PPTC7: variants seen among roughly 807,000 people sequenced by gnomAD.
PPTC7 encodes protein phosphatase targeting COQ7.
PPTC7 carries 6 observed loss-of-function variants against 30.8 expected under a neutral mutation model. The observed-to-expected ratio is 0.19, with a 90% CI of 0.11 to 0.38. The LOEUF (loss-of-function observed/expected upper bound fraction) is 0.38, where lower values mean the gene tolerates loss of function less well. Among genes scored for constraint, PPTC7 ranks in the 10% least tolerant of loss-of-function variants. PPTC7 has a pLI of 1.00. For missense variants in PPTC7, 218 were observed against 404.8 expected (o/e 0.54, Z 3.96); for synonymous variants, 163 against 168.1 (o/e 0.97, Z 0.23).
Position 110,536,778 on chromosome 12 carries a change from T to A in PPTC7, c.*259A>T. ...GTGGCACTGAACACCTCCATCCCCA[T>A]CATGGAAAGAACATCGAGAAATGAA... On this transcript the variant is annotated 3_prime_UTR_variant, in exon 6 of 6. Transcript: ENST00000354300. 2.2e-6 allele frequency: 1 copy of A among 459,260 alleles called. No individual in the cohort carries two copies. The highest frequency in any genetic ancestry group is 4.0e-5 in the Admixed American group (1 of 25,254). The allele number at this position is 459,260 out of a possible 1,614,324, so 28.4% of individuals were successfully genotyped here.
chr12:110,571,025 C>A (rs1171753868), intron 1 of PPTC7, among the ~76,000 whole-genome samples: 2 of 152,288 alleles, frequency 1.3e-5, no homozygotes, highest in East Asian at 3.8e-4. Context: ...CAACGTGGGG[C>A]TTTTCTCTAG....
intron 1 of PPTC7, among the ~76,000 whole-genome samples, chr12:110,562,942 C>G (rs143604893): frequency 0.011 from 1,614 of 148,790 alleles, 36 homozygotes; most frequent in Middle Eastern, 0.042. Context: ...GCCAACATGG[C>G]AAAACCCTGT....
intron 1 of PPTC7, among the ~76,000 whole-genome samples, chr12:110,563,578 G>A (rs2064456359): frequency 6.6e-6 from 1 of 151,682 alleles, no homozygotes. Context: ...CTGCGCCACT[G>A]CACGCCAGCC....
rs1187860489 is a variant in PPTC7 at position 110,551,854 on chromosome 12, C to G, written c.338G>C (p.Ser113Thr). The G allele has an allele frequency of 1.9e-6, 3 of 1,614,192 alleles. No homozygotes were observed. Among genetic ancestry groups the G allele is most frequent in the Non-Finnish European group, 2.5e-6 (3 of 1,180,006 alleles). The part of the protein sequence containing the change: ...RLVKEGRFVP[S>T]NPIGILTTSY... ...TGTGGTGAGAATTCCAATGGGATTA[C>G]TAGGTACGAACCGTCCTTCTTTTAC... The change falls in exon 2 of 6, where the codon AGT (serine) becomes ACT (threonine). Residue 113 changes from serine (S) to threonine (T), a missense_variant. Transcript: ENST00000354300.
At chr12:110,563,550 G>A (rs1316993740) in intron 1 of PPTC7, among the ~76,000 whole-genome samples, 1 of 152,168 alleles carries the variant, frequency 6.6e-6, no homozygotes, top group Non-Finnish European at 1.5e-5. Context: ...GGGAGGCAGA[G>A]GTTGTGGTGA....
intron 1 of PPTC7, among the ~76,000 whole-genome samples, chr12:110,561,677 C>T (rs1339569122): frequency 6.7e-6 from 1 of 149,848 alleles, no homozygotes; most frequent in Non-Finnish European, 1.5e-5. Flanking sequence ...ACGCTCCCGA[C>T]GGGGTGCAGT....
Position 110,538,169 on chromosome 12 carries a change from T to G in PPTC7, c.831A>C (p.Ala277=), listed in dbSNP as rs762000739. ...CTCTCACATTCAATCCATTGTCACA[T>G]GCAAACTGTGCAAAAGGTGACATAT... ...PNYMSPFAQF[A]CDNGLNVRGG... Residue 277 remains alanine (A), a synonymous_variant, in exon 5 of 6, where the codon GCA becomes GCC. Coordinates refer to ENST00000354300, the MANE Select transcript of PPTC7 (RefSeq NM_139283.2). 6.2e-7 allele frequency: 1 copy of G among 1,614,198 alleles called. No individual in the cohort carries two copies. The highest frequency in any genetic ancestry group is 1.1e-5 in the South Asian group (1 of 91,084).
chr12:110,577,294 A>C (rs542580405), intron 1 of PPTC7, among the ~76,000 whole-genome samples: 3 of 151,828 alleles, frequency 2.0e-5, no homozygotes, highest in Non-Finnish European at 4.4e-5. Context: ...TAAAAAAAGT[A>C]AAATTAAAAA....
At chr12:110,552,191 T>A (rs2064354089) in intron 1 of PPTC7, among the ~76,000 whole-genome samples, 1 of 152,218 alleles carries the variant, frequency 6.6e-6, no homozygotes, top group African/African-American at 2.4e-5. Flanking sequence ...TGAATAAACT[T>A]TTGAGCTACC....
chr12:110,549,570 G>C (rs1302846707), intron 2 of PPTC7, among the ~76,000 whole-genome samples: 1 of 152,116 alleles, frequency 6.6e-6, no homozygotes, highest in African/African-American at 2.4e-5. Flanking sequence ...TTATTTCAAT[G>C]TGCCTTTTAG....
intron 3 of PPTC7, 44 bp downstream of exon 3, chr12:110,545,836 G>A (rs776125158): frequency 6.3e-7 from 1 of 1,582,246 alleles, no homozygotes; most frequent in South Asian, 1.1e-5. Context: ...GACTATGAAT[G>A]AGCCACGTCC....
intron 2 of PPTC7, among the ~76,000 whole-genome samples, chr12:110,551,341 A>C (rs1031219667): frequency 2.6e-5 from 4 of 152,012 alleles, no homozygotes; most frequent in African/African-American, 9.7e-5. Flanking sequence ...TGGTTAGCCT[A>C]TAGTTTCTCT....
At position 110,536,068 on chromosome 12, in the gene PPTC7, G is replaced by C. The variant is rs146675300; in HGVS notation, c.*969C>G. 6.0e-3 allele frequency: 907 copies of C among 152,394 alleles called. 6 individuals are homozygous for C. Among genetic ancestry groups the C allele is most frequent in the Non-Finnish European group, 6.4e-3 (434 of 68,052 alleles). 9.4% of individuals were successfully genotyped at this position (152,394 alleles called of 1,614,324 possible). A position where few individuals can be genotyped will look rare whatever the true frequency, so the allele number is the denominator to read the frequency against. On this transcript the variant is annotated 3_prime_UTR_variant, in exon 6 of 6. Coordinates refer to ENST00000354300, the MANE Select transcript of PPTC7 (RefSeq NM_139283.2). ...GCAAGGCTACTAATAAAAGGTCTGA[G>C]AGTACGAGTATGGGTAGGTAGCATG...
chr12:110,575,785 A>C (rs992811856), intron 1 of PPTC7, among the ~76,000 whole-genome samples: 3 of 152,174 alleles, frequency 2.0e-5, no homozygotes, highest in Admixed American at 1.3e-4. Flanking sequence ...TCAAGAGATA[A>C]ACTGTAAGTT....
intron 2 of PPTC7, 62 bp downstream of exon 2, chr12:110,551,727 G>T: frequency 7.0e-7 from 1 of 1,421,926 alleles, no homozygotes; most frequent in Non-Finnish European, 9.7e-7. Flanking sequence ...TGATTTTCTT[G>T]GTTTTGTTTT....
intron 2 of PPTC7, 32 bp downstream of exon 2, chr12:110,551,757 T>C (rs773768764): frequency 1.3e-6 from 2 of 1,591,972 alleles, no homozygotes; most frequent in South Asian, 2.2e-5. Context: ...AGGGGGCTTC[T>C]TTAGAGGAAA....
intron 1 of PPTC7, 112 bp downstream of exon 1, chr12:110,582,697 T>G: frequency 2.2e-6 from 2 of 915,334 alleles, no homozygotes; most frequent in Non-Finnish European, 3.2e-6. Flanking sequence ...GCTCCCTCCA[T>G]GTGAGCGCTC....
chr12:110,537,722 C>A (rs943974052), intron 5 of PPTC7, among the ~76,000 whole-genome samples: 2 of 152,188 alleles, frequency 1.3e-5, no homozygotes, highest in Non-Finnish European at 2.9e-5. Context: ...CCTCTTCAAA[C>A]CCTGCTGTGG....
chr12:110,538,092 A>C, intron 5 of PPTC7, 52 bp downstream of exon 5: 1 of 1,595,890 alleles, frequency 6.3e-7, no homozygotes, highest in Non-Finnish European at 8.6e-7. Flanking sequence ...GCTCCACTCT[A>C]CTGACACCAT....
Sources: allele counts gnomAD v4.1 joint callset (sites outside exome capture counted in the v4.1 genomes callset), GRCh38; gene constraint gnomAD v4.1.1; transcripts MANE v1.5; gene names NCBI Gene and HGNC (gene_info 2026-07-23, HGNC 2026-07-21).